Variants in MAMDC2 observed in about 807,000 individuals in gnomAD.
The protein encoded by MAMDC2 is MAM domain containing 2.
A neutral mutation model predicts 89.8 loss-of-function variants in MAMDC2; 57 were observed. That is an observed-to-expected ratio of 0.63 (90% CI 0.51 to 0.79). The LOEUF (loss-of-function observed/expected upper bound fraction) is 0.79. Among genes scored for constraint, MAMDC2 ranks in the 30% least tolerant of loss-of-function variants. The pLI is 0.00. For missense variants in MAMDC2, 800 were observed against 820.6 expected (o/e 0.97, Z 0.31); for synonymous variants, 313 against 293.4 (o/e 1.07, Z -0.68).
chr9:70,176,549 T>C (rs1242628978), intron 11 of MAMDC2, among the ~76,000 whole-genome samples: 1 of 152,248 alleles, frequency 6.6e-6, no homozygotes, highest in Non-Finnish European at 1.5e-5. Flanking sequence ...TAAAACTCTC[T>C]GGTGCACAAC....
intron 7 of MAMDC2, 28 bp from the exon 8 acceptor site, chr9:70,140,117 T>C (rs750086220): frequency 4.8e-5 from 74 of 1,540,224 alleles, no homozygotes; most frequent in Non-Finnish European, 6.3e-5. Flanking sequence ...TTTGGGACTG[T>C]CATTAACTTT....
intron 2 of MAMDC2, among the ~76,000 whole-genome samples, chr9:70,081,135 C>T (rs113575217): frequency 7.0e-4 from 107 of 151,990 alleles, no homozygotes; most frequent in African/African-American, 2.4e-3. Flanking sequence ...TTGTTTGACA[C>T]AAAGGAGAGA....
intron 2 of MAMDC2, among the ~76,000 whole-genome samples, chr9:70,073,753 G>A (rs956482917): frequency 2.0e-5 from 3 of 152,130 alleles, no homozygotes; most frequent in East Asian, 3.9e-4. Flanking sequence ...GGGAAGGAAG[G>A]GGTTAGAGTT....
intron 2 of MAMDC2, among the ~76,000 whole-genome samples, chr9:70,051,886 TAGAG>T (rs796735362): frequency 1.0e-5 from 1 of 100,062 alleles, no homozygotes; most frequent in South Asian, 3.6e-4. Flanking sequence ...TCTAGATAGA[TAGAG>T]ATAGATAGAT....
rs147672542 is a variant in MAMDC2 at position 70,222,144 on chromosome 9, G to A, written c.1911+3548G>A. Among the ~76,000 whole-genome samples, 219 of 152,250 alleles carry A rather than the reference G, an allele frequency of 1.4e-3. 4 individuals are homozygous for A. Among genetic ancestry groups the A allele is most frequent in the East Asian group, 0.013 (67 of 5,186 alleles). ...TATGTATAGAATGTGGAGTCTGAGG[G>A]AAAGGGAGACACCAAGATGACTCCA... On this transcript the variant is annotated intron_variant, in intron 12 of 13. Coordinates refer to ENST00000377182, the MANE Select transcript of MAMDC2 (RefSeq NM_153267.5).
At chr9:70,070,507 T>G (rs912904112) in intron 2 of MAMDC2, among the ~76,000 whole-genome samples, 5 of 152,180 alleles carry the variant, frequency 3.3e-5, no homozygotes, top group African/African-American at 1.2e-4. Context: ...AGTATAAATA[T>G]CTGTAGGTGT....
At chr9:70,182,235 T>C (rs558769824) in intron 11 of MAMDC2, among the ~76,000 whole-genome samples, 5 of 152,334 alleles carry the variant, frequency 3.3e-5, no homozygotes, top group Non-Finnish European at 7.3e-5. Flanking sequence ...AGCTTTTTGA[T>C]GTGCTGCTGG....
At chr9:70,056,482 G>A (rs1436783187) in intron 2 of MAMDC2, among the ~76,000 whole-genome samples, 1 of 152,074 alleles carries the variant, frequency 6.6e-6, no homozygotes. Flanking sequence ...TAGTATCTTT[G>A]TTGTCAACTT....
At chr9:70,072,217 A>G (rs1368303833) in intron 2 of MAMDC2, among the ~76,000 whole-genome samples, 1 of 152,190 alleles carries the variant, frequency 6.6e-6, no homozygotes, top group African/African-American at 2.4e-5. Context: ...TGTAAAGTAC[A>G]ATGTATCATG....
At chr9:70,211,771 G>T (rs575413323) in intron 11 of MAMDC2, among the ~76,000 whole-genome samples, 1 of 152,264 alleles carries the variant, frequency 6.6e-6, no homozygotes, top group South Asian at 2.1e-4. Flanking sequence ...ATCTACCTTT[G>T]GTCTTTGATG....
chr9:70,168,805 C>A lies in MAMDC2; in HGVS notation c.1498+10C>A. 1 of 1,602,938 alleles carries A rather than the reference C, an allele frequency of 6.2e-7. No individual in the cohort carries two copies. The highest frequency in any genetic ancestry group is 1.3e-5 in the African/African-American group (1 of 74,760). On this transcript the variant is annotated intron_variant, in intron 10 of 13. Coordinates refer to ENST00000377182, the MANE Select transcript of MAMDC2 (RefSeq NM_153267.5). ...AGCTGCTCATCTTCAGGTAAGACGG[C>A]AATCATTTTAGCTCTCTGTCTCTCT...
chr9:70,051,551 A>T (rs1214228583), intron 2 of MAMDC2, among the ~76,000 whole-genome samples: 1 of 152,206 alleles, frequency 6.6e-6, no homozygotes, highest in Non-Finnish European at 1.5e-5. Flanking sequence ...AAAATAACAG[A>T]ACCTCTTTGG....
At chr9:70,159,930 G>T (rs1353701565) in intron 9 of MAMDC2, among the ~76,000 whole-genome samples, 4 of 152,058 alleles carry the variant, frequency 2.6e-5, no homozygotes, top group Non-Finnish European at 5.9e-5. Flanking sequence ...TCACCAGACT[G>T]GCTGGGCACG....
intron 9 of MAMDC2, among the ~76,000 whole-genome samples, chr9:70,165,809 A>G (rs2032153857): frequency 6.6e-6 from 1 of 152,252 alleles, no homozygotes; most frequent in Non-Finnish European, 1.5e-5. Context: ...GACTGAATAC[A>G]TGAATTTTTA....
chr9:70,117,055 G>A (rs1189159061), intron 5 of MAMDC2, among the ~76,000 whole-genome samples: 2 of 152,176 alleles, frequency 1.3e-5, no homozygotes, highest in Non-Finnish European at 2.9e-5. Flanking sequence ...GGAAGTCTAA[G>A]AAGACTACGC....
At chr9:70,051,608 T>A (rs1396809740) in intron 2 of MAMDC2, among the ~76,000 whole-genome samples, 1 of 152,168 alleles carries the variant, frequency 6.6e-6, no homozygotes, top group East Asian at 1.9e-4. Flanking sequence ...TTCAAACTAT[T>A]AGGTTTTGAA....
chr9:70,073,681 A>C (rs1827462473), intron 2 of MAMDC2, among the ~76,000 whole-genome samples: 1 of 152,218 alleles, frequency 6.6e-6, no homozygotes, highest in South Asian at 2.1e-4. Flanking sequence ...AATAGTGATC[A>C]AGTAAAAGTT....
intron 9 of MAMDC2, among the ~76,000 whole-genome samples, chr9:70,166,550 A>C (rs2032184655): frequency 6.6e-6 from 1 of 152,016 alleles, no homozygotes; most frequent in Admixed American, 6.5e-5. Flanking sequence ...TGTACTATGA[A>C]ATAATATGCC....
intron 2 of MAMDC2, among the ~76,000 whole-genome samples, chr9:70,096,940 C>T (rs1414139493): frequency 6.6e-6 from 1 of 152,178 alleles, no homozygotes; most frequent in Admixed American, 6.5e-5. Context: ...AAAAATGTCA[C>T]AACCTTCCTG....
Sources: allele counts gnomAD v4.1 joint callset (sites outside exome capture counted in the v4.1 genomes callset), GRCh38; gene constraint gnomAD v4.1.1; transcripts MANE v1.5; gene names NCBI Gene and HGNC (gene_info 2026-07-23, HGNC 2026-07-21).